The following PLCXD3 variants were observed in gnomAD, a reference collection of about 807,000 sequenced individuals.
PLCXD3 encodes phosphatidylinositol specific phospholipase C X domain containing 3.
In PLCXD3, 19 loss-of-function variants were observed where a neutral mutation model predicts 25.5. The ratio of observed to expected loss-of-function variants is 0.75; its 90% CI spans 0.52 to 1.09. PLCXD3 has a LOEUF of 1.09. Ranked by LOEUF, PLCXD3 falls within the 50% of genes least tolerant of loss-of-function variation. The probability of loss-of-function intolerance (pLI) is 0.00; values close to 1 mark genes in which losing one functional copy is unlikely to be tolerated. For missense variants in PLCXD3, 411 were observed against 388.1 expected (o/e 1.06, Z -0.50); for synonymous variants, 174 against 137.6 (o/e 1.26, Z -1.85).
rs530797590 is a variant in PLCXD3, at chr5:41,503,865, TC to T, written c.103+6558del. 5.9e-3 allele frequency among the ~76,000 whole-genome samples: 891 copies of T among 152,264 alleles called. 10 individuals are homozygous for T. The highest frequency in any genetic ancestry group is 0.02 in the African/African-American group (838 of 41,558). On this transcript the variant is annotated intron_variant, in intron 1 of 2. Coordinates refer to ENST00000377801, the MANE Select transcript of PLCXD3 (RefSeq NM_001005473.3). Reference sequence around the variant, plus strand: ...CATCATGGTGGCATGTTCTCTGGTTTCCAAAAACTAATATTTTTGGGCAAGA... The same window carrying T: ...CATCATGGTGGCATGTTCTCTGGTTTCAAAAACTAATATTTTTGGGCAAGA...
intron 1 of PLCXD3, among the ~76,000 whole-genome samples, chr5:41,402,876 T>TA (rs748151421): frequency 3.3e-5 from 5 of 152,084 alleles, no homozygotes; most frequent in Non-Finnish European, 7.4e-5. Context: ...TTTTTACTTT[T>TA]AACTTATTTG....
chr5:41,390,731 A>G (rs933851464), intron 1 of PLCXD3, among the ~76,000 whole-genome samples: 2 of 152,170 alleles, frequency 1.3e-5, no homozygotes, highest in Non-Finnish European at 2.9e-5. Context: ...AAAAAAAAAC[A>G]AAAACACCTT....
chr5:41,414,780 A>G (rs1746655371), intron 1 of PLCXD3, among the ~76,000 whole-genome samples: 2 of 152,212 alleles, frequency 1.3e-5, no homozygotes, highest in African/African-American at 4.8e-5. Context: ...TGCCAGGGAC[A>G]TGAGTCATCC....
At chr5:41,442,940 G>A (rs1012789141) in intron 1 of PLCXD3, among the ~76,000 whole-genome samples, 6 of 151,766 alleles carry the variant, frequency 4.0e-5, no homozygotes, top group Non-Finnish European at 7.4e-5. Context: ...AATAAAGACA[G>A]GAAAGACAGA....
At chr5:41,425,075 C>G (rs1390576842) in intron 1 of PLCXD3, among the ~76,000 whole-genome samples, 2 of 152,080 alleles carry the variant, frequency 1.3e-5, no homozygotes, top group Admixed American at 6.5e-5. Context: ...GTTCTTAGAG[C>G]TATTAAATAC....
intron 1 of PLCXD3, among the ~76,000 whole-genome samples, chr5:41,496,786 A>C (rs1308349640): frequency 7.3e-6 from 1 of 136,448 alleles, no homozygotes; most frequent in Non-Finnish European, 1.6e-5. Context: ...TATAGAGATA[A>C]ATACAGAATA....
chr5:41,454,061 C>A (rs777495347), intron 1 of PLCXD3, among the ~76,000 whole-genome samples: 1 of 151,938 alleles, frequency 6.6e-6, no homozygotes, highest in Non-Finnish European at 1.5e-5. Context: ...CCTCAAAACA[C>A]CAGAACTCCT....
At chr5:41,445,981 A>T (rs555788114) in intron 1 of PLCXD3, among the ~76,000 whole-genome samples, 45 of 151,926 alleles carry the variant, frequency 3.0e-4, no homozygotes, top group Admixed American at 7.2e-4. Context: ...AGGTCAGGGG[A>T]TCGAGACTAT....
chr5:41,323,277 TAGAA>T (rs1324003194), intron 2 of PLCXD3, among the ~76,000 whole-genome samples: 4 of 152,082 alleles, frequency 2.6e-5, no homozygotes, highest in African/African-American at 9.7e-5. Flanking sequence ...AAAAAAAAGT[TAGAA>T]AGAAGAAATG....
chr5:41,416,888 G>A (rs926633316), intron 1 of PLCXD3, among the ~76,000 whole-genome samples: 7 of 152,050 alleles, frequency 4.6e-5, no homozygotes, highest in African/African-American at 9.7e-5. Context: ...CTTTTGGGAC[G>A]GTGAAAAGTT....
chr5:41,486,531 G>T (rs1161756401), intron 1 of PLCXD3, among the ~76,000 whole-genome samples: 15 of 152,020 alleles, frequency 9.9e-5, no homozygotes, highest in Admixed American at 9.8e-4. Context: ...CATCTTCACA[G>T]TCTATGGTTG....
intron 1 of PLCXD3, among the ~76,000 whole-genome samples, chr5:41,501,246 T>G (rs1396125548): frequency 6.6e-6 from 1 of 151,988 alleles, no homozygotes; most frequent in Non-Finnish European, 1.5e-5. Flanking sequence ...TGAATCGAGA[T>G]CTCTATTCTC....
chr5:41,403,287 T>A (rs1178394052), intron 1 of PLCXD3, among the ~76,000 whole-genome samples: 1 of 150,996 alleles, frequency 6.6e-6, no homozygotes, highest in Non-Finnish European at 1.5e-5. Context: ...ACTCTTTTTT[T>A]TTTTTTCTAT....
intron 2 of PLCXD3, among the ~76,000 whole-genome samples, chr5:41,335,572 TA>T (rs1300381006): frequency 5.3e-5 from 8 of 152,180 alleles, no homozygotes; most frequent in Non-Finnish European, 1.0e-4. Flanking sequence ...AGTATTACTT[TA>T]AAAATATGCA....
chr5:41,492,361 C>T (rs1461419877), intron 1 of PLCXD3, among the ~76,000 whole-genome samples: 3 of 152,204 alleles, frequency 2.0e-5, no homozygotes, highest in Non-Finnish European at 4.4e-5. Context: ...TCTGGCTGCC[C>T]TTAACATTTT....
intron 1 of PLCXD3, among the ~76,000 whole-genome samples, chr5:41,399,354 T>C (rs1746108859): frequency 6.6e-6 from 1 of 152,104 alleles, no homozygotes; most frequent in African/African-American, 2.4e-5. Flanking sequence ...TCCTAAAATG[T>C]ATATGGAACC....
At chr5:41,339,440 A>C (rs764609969) in intron 2 of PLCXD3, among the ~76,000 whole-genome samples, 3 of 150,998 alleles carry the variant, frequency 2.0e-5, no homozygotes, top group Non-Finnish European at 4.4e-5. Flanking sequence ...GGATACAGAG[A>C]AATCATACTA....
At chr5:41,314,849 GACTTTC>G (rs1743243120) in intron 2 of PLCXD3, among the ~76,000 whole-genome samples, 1 of 152,116 alleles carries the variant, frequency 6.6e-6, no homozygotes, top group Non-Finnish European at 1.5e-5. Flanking sequence ...GGTGTGATTT[GACTTTC>G]ACTATAAGAG....
At chr5:41,458,409 A>T (rs1046454995) in intron 1 of PLCXD3, among the ~76,000 whole-genome samples, 1 of 152,010 alleles carries the variant, frequency 6.6e-6, no homozygotes, top group East Asian at 1.9e-4. Context: ...AGGGATGGAG[A>T]AATGTGACCA....
Sources: gnomAD v4.1 joint callset for allele counts (sites outside exome capture counted in the v4.1 genomes callset) on GRCh38, gnomAD v4.1.1 for gene constraint, MANE v1.5 for transcripts, NCBI Gene and HGNC (gene_info 2026-07-23, HGNC 2026-07-21) for gene names.